Variants in PTPRO observed in about 807,000 individuals in gnomAD.
PTPRO encodes the protein receptor-type tyrosine-protein phosphatase O.
A neutral mutation model predicts 145.2 loss-of-function variants in PTPRO; 62 were observed. The observed-to-expected ratio is 0.43, with a 90% confidence interval of 0.35 to 0.53. The LOEUF is 0.53. Among genes scored for constraint, PTPRO ranks in the 20% least tolerant of loss-of-function variants. The pLI is 0.01. For synonymous variants in PTPRO, 565 were observed against 514.7 expected (o/e 1.10, Z -1.32); for missense variants, 1,345 against 1,482.7 (o/e 0.91, Z 1.53).
At chr12:15,323,114 G>A (rs1866348794) in intron 1 of PTPRO, among the ~76,000 whole-genome samples, 1 of 152,240 alleles carries the variant, frequency 6.6e-6, no homozygotes. Flanking sequence ...CAGGCAAAAT[G>A]AGGTCACTTT....
At chr12:15,430,971 A>G in intron 1 of PTPRO, among the ~76,000 whole-genome samples, 1 of 152,356 alleles carries the variant, frequency 6.6e-6, no homozygotes, top group East Asian at 1.9e-4. Flanking sequence ...GAATATATGG[A>G]AATAGTAATT....
rs1591750529 is a variant in PTPRO at position 15,569,646 on chromosome 12, AG to A, written c.2829+151del. On this transcript the variant is annotated intron_variant, in intron 19 of 26. Transcript: ENST00000281171. ...ATTGCTGATCTGCTGGTTTAGAGCA[AG>A]GGTTGTCAATCCTTGCTTAGTAGGC... is the stretch of plus-strand genomic sequence containing the variant. The A allele has an allele frequency of 9.8e-6, 7 of 711,440 alleles. No homozygotes were observed. The East Asian group carries it at 1.9e-4, about 19-fold the overall frequency. 44.1% of individuals were successfully genotyped at this position (711,440 alleles called of 1,614,324 possible). A position where few individuals can be genotyped will look rare whatever the true frequency, so the allele number is the denominator to read the frequency against.
intron 1 of PTPRO, among the ~76,000 whole-genome samples, chr12:15,459,241 G>A (rs749208498): frequency 1.3e-4 from 20 of 152,128 alleles, no homozygotes; most frequent in Non-Finnish European, 2.1e-4. Context: ...TCTGTGCTGA[G>A]CAAGACCCTC....
intron 1 of PTPRO, among the ~76,000 whole-genome samples, chr12:15,353,319 A>G (rs530914393): frequency 3.3e-5 from 5 of 152,326 alleles, no homozygotes; most frequent in African/African-American, 7.2e-5. Flanking sequence ...TCAACATATC[A>G]TCAAGTTCAA....
intron 1 of PTPRO, among the ~76,000 whole-genome samples, chr12:15,472,512 T>C (rs1941565439): frequency 6.6e-6 from 1 of 152,172 alleles, no homozygotes; most frequent in African/African-American, 2.4e-5. Flanking sequence ...CTGGATGCTC[T>C]TCCCGCTTAA....
chr12:15,543,477 A>G (rs1170409478), intron 12 of PTPRO, among the ~76,000 whole-genome samples: 3 of 152,214 alleles, frequency 2.0e-5, no homozygotes, highest in African/African-American at 4.8e-5. Flanking sequence ...TTTTACCTAC[A>G]TAAAAACAGA....
At chr12:15,448,365 C>A in intron 1 of PTPRO, among the ~76,000 whole-genome samples, 1 of 15,198 alleles carries the variant, frequency 6.6e-5, no homozygotes, top group East Asian at 2.9e-3. Context: ...AAAAAAGCAC[C>A]GATTGAGAAG....
intron 1 of PTPRO, among the ~76,000 whole-genome samples, chr12:15,480,434 C>T (rs1941754211): frequency 6.6e-6 from 1 of 152,130 alleles, no homozygotes; most frequent in African/African-American, 2.4e-5. Flanking sequence ...ATGGAACCTA[C>T]ACATGCTTTC....
At chr12:15,349,747 A>G (rs1163193656) in intron 1 of PTPRO, among the ~76,000 whole-genome samples, 1 of 152,164 alleles carries the variant, frequency 6.6e-6, no homozygotes, top group East Asian at 1.9e-4. Flanking sequence ...GCTTTAATTC[A>G]CTCTACCATG....
chr12:15,492,577 G>A (rs2136454184), intron 2 of PTPRO, among the ~76,000 whole-genome samples: 1 of 151,740 alleles, frequency 6.6e-6, no homozygotes, highest in South Asian at 2.1e-4. Flanking sequence ...AAAACATATA[G>A]AATAAACATG....
chr12:15,447,102 G>A (rs1399146678), intron 1 of PTPRO, among the ~76,000 whole-genome samples: 1 of 152,104 alleles, frequency 6.6e-6, no homozygotes, highest in Non-Finnish European at 1.5e-5. Context: ...GCAAGAGGCT[G>A]CCTGGAAAGA....
At chr12:15,417,516 G>A (rs61908008) in intron 1 of PTPRO, among the ~76,000 whole-genome samples, 12,342 of 151,538 alleles carry the variant, frequency 0.081, 678 homozygotes, top group African/African-American at 0.095. Flanking sequence ...GTGACTCCTC[G>A]ACCATCAGCA....
At chr12:15,554,196 AAG>A (rs1400469552) in intron 15 of PTPRO, among the ~76,000 whole-genome samples, 3 of 152,148 alleles carry the variant, frequency 2.0e-5, no homozygotes, top group Non-Finnish European at 4.4e-5. Flanking sequence ...TAAACAAAAA[AAG>A]AGAGTTGAGG....
At chr12:15,473,795 C>T (rs1364513289) in intron 1 of PTPRO, among the ~76,000 whole-genome samples, 1 of 136,908 alleles carries the variant, frequency 7.3e-6, no homozygotes, top group Non-Finnish European at 1.6e-5. Context: ...AAAAAAGCAT[C>T]AAGTGACTCA....
At chr12:15,534,528 A>G (rs938317227) in intron 12 of PTPRO, among the ~76,000 whole-genome samples, 1 of 152,156 alleles carries the variant, frequency 6.6e-6, no homozygotes, top group Non-Finnish European at 1.5e-5. Flanking sequence ...AGATGGTAAT[A>G]GTGCTGTACA....
chr12:15,447,668 C>T (rs988793124), intron 1 of PTPRO, among the ~76,000 whole-genome samples: 2 of 152,184 alleles, frequency 1.3e-5, no homozygotes, highest in Non-Finnish European at 2.9e-5. Flanking sequence ...TGCCACAATC[C>T]TATGCCCCAT....
chr12:15,509,940 G>A (rs1001730491), intron 7 of PTPRO, among the ~76,000 whole-genome samples: 2 of 152,026 alleles, frequency 1.3e-5, no homozygotes, highest in African/African-American at 2.4e-5. Flanking sequence ...TGAGAACCTG[G>A]GGCCCAGTCC....
At chr12:15,569,292 C>A in intron 18 of PTPRO, 125 bp from the exon 19 acceptor site, 3 of 867,744 alleles carry the variant, frequency 3.5e-6, no homozygotes, top group South Asian at 1.7e-5. Context: ...AAGGTGAGTG[C>A]TAACCTTAGA....
chr12:15,579,300 T>A (rs960068007), intron 20 of PTPRO, among the ~76,000 whole-genome samples: 9 of 152,206 alleles, frequency 5.9e-5, no homozygotes, highest in Admixed American at 1.3e-4. Flanking sequence ...GGCGATGCAG[T>A]ATATTAAAAT....
Sources: gnomAD v4.1 joint callset for allele counts (sites outside exome capture counted in the v4.1 genomes callset) on GRCh38, gnomAD v4.1.1 for gene constraint, MANE v1.5 for transcripts, NCBI Gene and HGNC (gene_info 2026-07-23, HGNC 2026-07-21) for gene names.